Variants in GPC3 observed in about 807,000 individuals in gnomAD.
GPC3 encodes the protein glypican 3, also known as glypican-3.
Under a neutral mutation model 34.4 loss-of-function variants are expected in GPC3, and 3 were observed. The ratio of observed to expected loss-of-function variants is 0.09; its 90% CI spans 0.04 to 0.23. GPC3 has a LOEUF of 0.23. GPC3 is among the 10% of genes least tolerant of loss of function. GPC3 has a pLI of 1.00. For synonymous variants in GPC3, 177 were observed against 174.0 expected, an observed-to-expected ratio of 1.02 and a Z score of -0.13; for missense variants, 351 against 445.6, an observed-to-expected ratio of 0.79 and a Z score of 1.91.
chrX:133,811,518 G>A (rs2075665915), intron 2 of GPC3, among the ~76,000 whole-genome samples: 1 of 111,301 alleles, frequency 9.0e-6, no homozygotes, highest in Admixed American at 9.6e-5. Context: ...AATTGCACAG[G>A]AAACTCTCCT....
rs372721937 is a variant in GPC3 at position 133,682,311 on chromosome X, C to T, written c.1292+10058G>A. ...AAACAGCCCTATTATTTTATCCTCT[C>T]ACTCCAAATGAACCCCAAATGGTAT... is the stretch of plus-strand genomic sequence containing the variant. On this transcript the variant is annotated intron_variant, in intron 5 of 7. Coordinates refer to ENST00000370818, the MANE Select transcript of GPC3 (RefSeq NM_004484.4). 2.6e-3 allele frequency among the ~76,000 whole-genome samples: 291 copies of T among 111,608 alleles called. 1 individual carries two copies. Among genetic ancestry groups the T allele is most frequent in the African/African-American group, 8.9e-3 (272 of 30,671 alleles).
chrX:133,692,675 G>GATATTAGAAAAAAAGTTGACTGCC (rs2071076450), intron 4 of GPC3, among the ~76,000 whole-genome samples, 181 bp from the exon 5 acceptor site: 1 of 111,927 alleles, frequency 8.9e-6, no homozygotes, highest in Non-Finnish European at 1.9e-5. Flanking sequence ...TCAATAAAAT[G>GATATTAGAAAAAAAGTTGACTGCC]ATATTAGAAA....
intron 5 of GPC3, among the ~76,000 whole-genome samples, chrX:133,664,761 C>CA (rs950913055): frequency 1.1e-4 from 8 of 74,938 alleles, no homozygotes; most frequent in African/African-American, 3.7e-4. Context: ...TATTTTAATA[C>CA]AAAAAAACAG....
chrX:133,881,981 T>C (rs766919118), intron 2 of GPC3, among the ~76,000 whole-genome samples: 2 of 112,649 alleles, frequency 1.8e-5, no homozygotes, highest in Non-Finnish European at 3.7e-5. Flanking sequence ...CTTCGCGCCG[T>C]GCCTCCTGCT....
In GPC3 at chrX:133,626,814, G is replaced by T. The variant is rs1275806334; in HGVS notation, c.1414-30215C>A. Among the ~76,000 whole-genome samples, 4 of 106,632 alleles carry T rather than the reference G, an allele frequency of 3.8e-5. No individual in the cohort carries two copies. The East Asian group carries it at 1.2e-3, about 32-fold the overall frequency. 92.6% of individuals were successfully genotyped at this position (106,632 alleles called of 115,157 possible). A position where few individuals can be genotyped will look rare whatever the true frequency, so the allele number is the denominator to read the frequency against. On this transcript the variant is annotated intron_variant, in intron 6 of 7. Coordinates refer to ENST00000370818, the MANE Select transcript of GPC3 (RefSeq NM_004484.4). ...ATTTGACCCAGCCATCCCATTACTGGGTATATACCCAAAGGATTATAAATC... is the reference window on the plus strand; with the variant it reads ...ATTTGACCCAGCCATCCCATTACTGTGTATATACCCAAAGGATTATAAATC...
intron 2 of GPC3, among the ~76,000 whole-genome samples, chrX:133,803,213 G>C (rs1343411774): frequency 1.8e-5 from 2 of 112,470 alleles, no homozygotes; most frequent in East Asian, 5.6e-4. Flanking sequence ...GCGTGAGCCA[G>C]TGCGCCCGGT....
chrX:133,850,194 GTTTT>G (rs749809263), intron 2 of GPC3, among the ~76,000 whole-genome samples: 1 of 68,006 alleles, frequency 1.5e-5, no homozygotes, highest in African/African-American at 5.7e-5. Context: ...TTTGGGTTTT[GTTTT>G]TTTTTTTTTT....
rs2076515063 is a variant in GPC3 at position 133,976,397 on chromosome X, G to A, written c.175+8878C>T. Among the ~76,000 whole-genome samples the A allele has an allele frequency of 6.3e-5, 7 of 111,694 alleles. 1 individual carries two copies. The South Asian group carries it at 2.6e-3, about 42-fold the overall frequency. Reference sequence around the variant, plus strand: ...CATGAGACAAATGTAAGGTATGACTGTGAAATACCACCTACTGCTTAGAGT... The same window carrying A: ...CATGAGACAAATGTAAGGTATGACTATGAAATACCACCTACTGCTTAGAGT... On this transcript the variant is annotated intron_variant, in intron 1 of 7. Coordinates refer to ENST00000370818, the MANE Select transcript of GPC3 (RefSeq NM_004484.4).
rs149475125 is a variant in GPC3 at position 133,933,707 on chromosome X, T to C, written c.337+19343A>G. On this transcript the variant is annotated intron_variant, in intron 2 of 7. Coordinates refer to ENST00000370818, the MANE Select transcript of GPC3 (RefSeq NM_004484.4). ...GCCCTTCTCCCCCTCACTCTCTCTC[T>C]CCTGCTCCTGCTTTCGGCACGTGAT... is the stretch of plus-strand genomic sequence containing the variant. Among the ~76,000 whole-genome samples the C allele has an allele frequency of 8.1e-3, 887 of 109,623 alleles. 14 individuals are homozygous for C. The highest frequency in any genetic ancestry group is 0.028 in the African/African-American group (847 of 30,104).
In GPC3 at chrX:133,753,571, C is replaced by A. The variant is rs2124479854; in HGVS notation, c.943G>T (p.Asp315Tyr). 1 of 1,208,474 alleles carries A rather than the reference C, an allele frequency of 8.3e-7. No homozygotes were observed. The highest frequency in any genetic ancestry group is 1.1e-6 in the Non-Finnish European group (1 of 892,427). Reference protein sequence around the residue: ...ELVNGMYRIYDMENVLLGLFS... With the variant: ...ELVNGMYRIYYMENVLLGLFS... ...AGACCAAGCAGTACGTTCTCCATGTCATAGATTCTGTACATGCCATTCACA... is the reference window on the plus strand; with the variant it reads ...AGACCAAGCAGTACGTTCTCCATGTAATAGATTCTGTACATGCCATTCACA... Residue 315 changes from aspartate to tyrosine, a missense_variant, in exon 3 of 8, where the codon GAC (aspartate) becomes TAC (tyrosine). Coordinates refer to ENST00000370818, the MANE Select transcript of GPC3 (RefSeq NM_004484.4).
intron 2 of GPC3, among the ~76,000 whole-genome samples, chrX:133,841,371 T>C (rs1303209634): frequency 9.3e-6 from 1 of 107,112 alleles, no homozygotes; most frequent in African/African-American, 3.4e-5. Context: ...TAAAGTTGTC[T>C]AATAATTTAT....
chrX:133,857,344 A>G (rs1308988521), intron 2 of GPC3, among the ~76,000 whole-genome samples: 1 of 112,675 alleles, frequency 8.9e-6, no homozygotes, highest in Admixed American at 9.4e-5. Context: ...TAACTTGGAT[A>G]TGAAGTTTAT....
intron 1 of GPC3, among the ~76,000 whole-genome samples, chrX:133,962,473 C>T (rs931014418): frequency 8.9e-6 from 1 of 111,793 alleles, no homozygotes; most frequent in African/African-American, 3.3e-5. Context: ...TTAATTGATG[C>T]TACTAGAGCA....
At chrX:133,954,738 CTTT>C (rs1166218378) in intron 1 of GPC3, among the ~76,000 whole-genome samples, 1 of 53,786 alleles carries the variant, frequency 1.9e-5, no homozygotes, top group African/African-American at 7.7e-5. Context: ...CAAACTTTCT[CTTT>C]TTTTTTTTTT....
intron 2 of GPC3, among the ~76,000 whole-genome samples, chrX:133,776,668 A>G (rs2071984127): frequency 9.0e-6 from 1 of 110,884 alleles, no homozygotes; most frequent in Non-Finnish European, 1.9e-5. Flanking sequence ...ACTGGCTATT[A>G]TTCCTTTCCA....
intron 2 of GPC3, among the ~76,000 whole-genome samples, chrX:133,932,936 A>G (rs2076305006): frequency 9.0e-6 from 1 of 111,513 alleles, no homozygotes; most frequent in Admixed American, 9.6e-5. Context: ...AATGTGAATT[A>G]CACATAATAA....
At chrX:133,711,554 T>C (rs187423075) in intron 3 of GPC3, among the ~76,000 whole-genome samples, 158 of 111,276 alleles carry the variant, frequency 1.4e-3, no homozygotes, top group African/African-American at 4.9e-3. Flanking sequence ...GGCCTCTTAA[T>C]TGGTCTCCAA....
chrX:133,892,585 T>A (rs2076092753), intron 2 of GPC3, among the ~76,000 whole-genome samples: 1 of 110,977 alleles, frequency 9.0e-6, no homozygotes, highest in Admixed American at 9.7e-5. Context: ...TTGGACTTTT[T>A]TGTTTTTTGT....
At chrX:133,549,477 G>C (rs1053417577) in intron 7 of GPC3, among the ~76,000 whole-genome samples, 1 of 110,996 alleles carries the variant, frequency 9.0e-6, no homozygotes, top group African/African-American at 3.3e-5. Context: ...TTGCTTTCCA[G>C]TTTCAACTGC....
Sources: gnomAD v4.1 joint callset for allele counts (sites outside exome capture counted in the v4.1 genomes callset) on GRCh38, gnomAD v4.1.1 for gene constraint, MANE v1.5 for transcripts, NCBI Gene and HGNC (gene_info 2026-07-23, HGNC 2026-07-21) for gene names.